Variants in RPIA observed in about 807,000 individuals in gnomAD.
The protein encoded by RPIA is ribose 5-phosphate isomerase A.
RPIA carries 29 observed loss-of-function variants against 37.8 expected under a neutral mutation model. That is an observed-to-expected ratio of 0.77 (90% CI 0.57 to 1.05). RPIA has a LOEUF of 1.05. Ranked by LOEUF, RPIA falls within the 50% of genes least tolerant of loss-of-function variation. The pLI, the probability that RPIA is intolerant of heterozygous loss-of-function variation, is 0.00. For missense variants in RPIA, 385 were observed against 413.6 expected, an observed-to-expected ratio of 0.93 and a Z score of 0.60; for synonymous variants, 167 against 157.0, an observed-to-expected ratio of 1.06 and a Z score of -0.48.
At chr2:88,719,202 A>G (rs1017919222) in intron 3 of RPIA, among the ~76,000 whole-genome samples, 5 of 152,196 alleles carry the variant, frequency 3.3e-5, no homozygotes, top group African/African-American at 1.2e-4. Flanking sequence ...TAGGGCAGCT[A>G]TAGTCAAGAC....
At chr2:88,714,621 C>A (rs1052693223) in intron 3 of RPIA, among the ~76,000 whole-genome samples, 2 of 152,160 alleles carry the variant, frequency 1.3e-5, no homozygotes, top group African/African-American at 4.8e-5. Flanking sequence ...GAGAAGGCTG[C>A]CCCATTTCTT....
intron 8 of RPIA, among the ~76,000 whole-genome samples, chr2:88,743,385 C>T (rs1041002042): frequency 2.6e-5 from 4 of 152,110 alleles, no homozygotes; most frequent in East Asian, 1.9e-4. Context: ...TGGTATGAAA[C>T]GCACTCGATC....
At chr2:88,729,421 C>G in intron 4 of RPIA, 84 bp downstream of exon 4, 1 of 1,288,850 alleles carries the variant, frequency 7.8e-7, no homozygotes, top group Non-Finnish European at 1.1e-6. Context: ...CTCCAGATAT[C>G]TTGTAAAATC....
At chr2:88,708,487 C>T (rs1446838633) in intron 3 of RPIA, among the ~76,000 whole-genome samples, 1 of 152,156 alleles carries the variant, frequency 6.6e-6, no homozygotes, top group African/African-American at 2.4e-5. Flanking sequence ...TTAAGATCTT[C>T]GTCTCCAAGG....
chr2:88,698,815 C>G (rs1573459550), intron 2 of RPIA, among the ~76,000 whole-genome samples: 1 of 152,140 alleles, frequency 6.6e-6, no homozygotes, highest in Non-Finnish European at 1.5e-5. Context: ...GCTTGAGGTC[C>G]CAATATAATT....
intron 8 of RPIA, among the ~76,000 whole-genome samples, chr2:88,747,718 C>A (rs1050399129): frequency 1.3e-5 from 2 of 152,162 alleles, no homozygotes; most frequent in Non-Finnish European, 2.9e-5. Flanking sequence ...AAGATTAAAT[C>A]CGTCTCCTGT....
intron 7 of RPIA, 90 bp downstream of exon 7, chr2:88,736,766 G>T: frequency 7.0e-7 from 1 of 1,436,684 alleles, no homozygotes; most frequent in African/African-American, 1.4e-5. Flanking sequence ...GGTCATGTGT[G>T]CTTCCACCAG....
In RPIA at chr2:88,750,085, A is replaced by C; in HGVS notation, c.*7A>C. On this transcript the variant is annotated 3_prime_UTR_variant, in exon 9 of 9. Transcript: ENST00000283646. Reference sequence around the variant, plus strand: ...GGAGAAGCCTTTCTGTTGACCCTGCAAGGAGCAGAGTGTGTTCACCTTGAG... The same window carrying C: ...GGAGAAGCCTTTCTGTTGACCCTGCCAGGAGCAGAGTGTGTTCACCTTGAG... 6.2e-7 allele frequency: 1 copy of C among 1,601,378 alleles called. No individual in the cohort carries two copies. Among genetic ancestry groups the C allele is most frequent in the South Asian group, 1.1e-5 (1 of 90,768 alleles).
At chr2:88,705,741 A>G (rs1172602403) in intron 3 of RPIA, among the ~76,000 whole-genome samples, 1 of 152,256 alleles carries the variant, frequency 6.6e-6, no homozygotes. Flanking sequence ...TCTGCGCAGC[A>G]AAAGAAACTA....
intron 3 of RPIA, among the ~76,000 whole-genome samples, chr2:88,721,493 A>T (rs1476438416): frequency 6.8e-6 from 1 of 147,126 alleles, no homozygotes; most frequent in African/African-American, 2.5e-5. Flanking sequence ...TATTATTATA[A>T]TTAATATATG....
chr2:88,733,931 G>A (rs941461220), intron 4 of RPIA, among the ~76,000 whole-genome samples: 23 of 152,070 alleles, frequency 1.5e-4, no homozygotes, highest in Admixed American at 1.2e-3. Flanking sequence ...TAGAGGGAGC[G>A]GGCAAGCCCA....
chr2:88,691,692 C>T lies in RPIA; in HGVS notation c.-7C>T. On this transcript the variant is annotated 5_prime_UTR_variant, in exon 1 of 9. Transcript: ENST00000283646. ...GACTTCAGCGGAGGCCGGAGCGAGG[C>T]GTCGGGATGCAGCGCCCCGGGCCCT... 7 of 1,568,168 alleles carry T rather than the reference C, an allele frequency of 4.5e-6. No homozygotes were observed. In the South Asian group the frequency reaches 5.8e-5, roughly 13 times the overall value.
At chr2:88,696,903 A>G (rs375365521) in intron 1 of RPIA, among the ~76,000 whole-genome samples, 32 of 152,306 alleles carry the variant, frequency 2.1e-4, no homozygotes, top group African/African-American at 7.7e-4. Flanking sequence ...CCCACTTCTT[A>G]ATATTGTTAT....
At chr2:88,725,460 C>T (rs185556259) in intron 3 of RPIA, among the ~76,000 whole-genome samples, 1 of 152,132 alleles carries the variant, frequency 6.6e-6, no homozygotes, top group East Asian at 1.9e-4. Context: ...CCTGTGCCTT[C>T]CTCCTAACTC....
At chr2:88,714,917 G>A (rs1382546515) in intron 3 of RPIA, among the ~76,000 whole-genome samples, 4 of 152,198 alleles carry the variant, frequency 2.6e-5, no homozygotes, top group African/African-American at 4.8e-5. Context: ...TAAGACCAGC[G>A]TTTGACCTTC....
intron 1 of RPIA, among the ~76,000 whole-genome samples, chr2:88,696,060 C>T (rs1168042473): frequency 6.6e-6 from 1 of 152,020 alleles, no homozygotes; most frequent in Non-Finnish European, 1.5e-5. Flanking sequence ...ATTCCTATGG[C>T]CTTTGTCCTG....
intron 8 of RPIA, among the ~76,000 whole-genome samples, chr2:88,748,948 C>T (rs1405304738): frequency 6.6e-6 from 1 of 152,144 alleles, no homozygotes; most frequent in East Asian, 1.9e-4. Context: ...TCCTGGGCTC[C>T]ATCAGCTCCA....
At chr2:88,695,690 A>G (rs1036403989) in intron 1 of RPIA, among the ~76,000 whole-genome samples, 14 of 152,162 alleles carry the variant, frequency 9.2e-5, no homozygotes, top group African/African-American at 3.4e-4. Flanking sequence ...AAACAACTTT[A>G]CTACACACAT....
In RPIA at chr2:88,738,034, C is replaced by T. The variant is rs147431137; in HGVS notation, c.796C>T (p.His266Tyr). 8.2e-5 allele frequency: 133 copies of T among 1,613,930 alleles called. No homozygotes were observed. In the East Asian group the frequency reaches 1.1e-3, roughly 14 times the overall value. Residue 266 changes from histidine (H) to tyrosine (Y), a missense_variant, in exon 8 of 9, where the codon CAC (histidine) becomes TAC (tyrosine). Around this residue, in one of 2 missense-constraint regions of RPIA, gnomAD observed 153 missense variants for 210.6 expected, o/e 0.73. Transcript: ENST00000283646. The stretch of plus-strand genomic sequence containing the variant: ...CTTGGACTGGAAGTTTGACCGGGTA[C>T]ACAAATGGAGTGAAGTGAATACAGC... ...FILDWKFDRV[H>Y]KWSEVNTAIK...
Sources: allele counts gnomAD v4.1 joint callset (sites outside exome capture counted in the v4.1 genomes callset), GRCh38; gene constraint gnomAD v4.1.1; regional missense constraint gnomAD v4.1.1; transcripts MANE v1.5; gene names NCBI Gene and HGNC (gene_info 2026-07-23, HGNC 2026-07-21).